The following PTPRM variants were observed in gnomAD, a reference collection of about 807,000 sequenced individuals.
PTPRM encodes the protein protein tyrosine phosphatase receptor type M.
In PTPRM, 47 loss-of-function variants were observed where a neutral mutation model predicts 186.7. The ratio of observed to expected loss-of-function variants is 0.25; its 90% confidence interval spans 0.20 to 0.32. The LOEUF (loss-of-function observed/expected upper bound fraction) is 0.32, where lower values mean the gene tolerates loss of function less well. PTPRM is among the 10% of genes least tolerant of loss of function. The probability of loss-of-function intolerance (pLI) is 1.00; values close to 1 mark genes in which losing one functional copy is unlikely to be tolerated. For synonymous variants in PTPRM, 668 were observed against 674.9 expected (o/e 0.99, Z 0.16); for missense variants, 1,494 against 1,865.0 (o/e 0.80, Z 3.66).
At chr18:8,324,788 T>C (rs2095365674) in intron 22 of PTPRM, among the ~76,000 whole-genome samples, 1 of 152,148 alleles carries the variant, frequency 6.6e-6, no homozygotes, top group Non-Finnish European at 1.5e-5. Context: ...ATGCTCCAAG[T>C]CACAGACCTA....
intron 1 of PTPRM, among the ~76,000 whole-genome samples, chr18:7,700,061 T>C (rs927801957): frequency 1.3e-5 from 2 of 152,232 alleles, no homozygotes; most frequent in African/African-American, 4.8e-5. Flanking sequence ...AGTTTGTATG[T>C]GTCACAAGTT....
At chr18:7,654,036 T>C (rs1007399308) in intron 1 of PTPRM, among the ~76,000 whole-genome samples, 2 of 152,220 alleles carry the variant, frequency 1.3e-5, no homozygotes, top group African/African-American at 4.8e-5. Context: ...GGTATCTCAC[T>C]GTGGTTTTGA....
chr18:7,644,841 C>T (rs192392089), intron 1 of PTPRM, among the ~76,000 whole-genome samples: 12 of 152,160 alleles, frequency 7.9e-5, no homozygotes, highest in Non-Finnish European at 1.2e-4. Flanking sequence ...AGATGATATA[C>T]GCTTATATCA....
At chr18:8,174,999 C>T (rs1468789324) in intron 14 of PTPRM, among the ~76,000 whole-genome samples, 1 of 152,200 alleles carries the variant, frequency 6.6e-6, no homozygotes, top group Admixed American at 6.5e-5. Flanking sequence ...TGCCATGTGT[C>T]TTCTGGCTGA....
intron 14 of PTPRM, among the ~76,000 whole-genome samples, chr18:8,234,470 G>C (rs916571126): frequency 6.6e-6 from 1 of 152,118 alleles, no homozygotes; most frequent in East Asian, 1.9e-4. Context: ...TTAGTACTAG[G>C]AGCTAATTTT....
At chr18:7,779,637 G>A (rs2042760523) in intron 2 of PTPRM, among the ~76,000 whole-genome samples, 1 of 152,106 alleles carries the variant, frequency 6.6e-6, no homozygotes, top group Non-Finnish European at 1.5e-5. Flanking sequence ...CACACTTCAG[G>A]ACTTATTCAG....
intron 1 of PTPRM, among the ~76,000 whole-genome samples, chr18:7,613,745 G>T (rs2037735943): frequency 6.6e-6 from 1 of 152,096 alleles, no homozygotes. Context: ...ATAAACACTT[G>T]GTTGATTCCA....
chr18:7,924,274 C>T (rs1435416584), intron 4 of PTPRM, among the ~76,000 whole-genome samples: 1 of 152,150 alleles, frequency 6.6e-6, no homozygotes, highest in Admixed American at 6.5e-5. Context: ...TCAGCTTGCA[C>T]AGCTTTGGGA....
chr18:8,385,967 G>A (rs1319783105), intron 30 of PTPRM, among the ~76,000 whole-genome samples: 2 of 152,240 alleles, frequency 1.3e-5, no homozygotes, highest in East Asian at 3.9e-4. Flanking sequence ...TGAAGGAAGA[G>A]CCAGCACAAT....
chr18:7,679,113 G>T (rs942365185), intron 1 of PTPRM, among the ~76,000 whole-genome samples: 1 of 152,098 alleles, frequency 6.6e-6, no homozygotes, highest in African/African-American at 2.4e-5. Context: ...TCCTTTGGCT[G>T]TACATTTTTG....
At chr18:8,282,234 T>G (rs993392846) in intron 19 of PTPRM, among the ~76,000 whole-genome samples, 15 of 152,182 alleles carry the variant, frequency 9.9e-5, no homozygotes, top group African/African-American at 3.6e-4. Context: ...TACATCATAT[T>G]AGAGCAGCCA....
At chr18:8,028,290 C>T (rs1026623233) in intron 7 of PTPRM, among the ~76,000 whole-genome samples, 1 of 152,212 alleles carries the variant, frequency 6.6e-6, no homozygotes, top group Non-Finnish European at 1.5e-5. Context: ...GTGTGCACCA[C>T]CGTGCCCAGC....
At chr18:7,769,835 G>A (rs1228622768) in intron 1 of PTPRM, among the ~76,000 whole-genome samples, 1 of 152,056 alleles carries the variant, frequency 6.6e-6, no homozygotes. Flanking sequence ...AGTTGCTAAG[G>A]AAAAGCCTTT....
At chr18:7,708,963 T>C (rs2040154644) in intron 1 of PTPRM, among the ~76,000 whole-genome samples, 1 of 152,186 alleles carries the variant, frequency 6.6e-6, no homozygotes, top group African/African-American at 2.4e-5. Flanking sequence ...TATGGAATTA[T>C]GGTTCAGATG....
At chr18:7,881,734 G>A (rs896313183) in intron 2 of PTPRM, among the ~76,000 whole-genome samples, 2 of 152,148 alleles carry the variant, frequency 1.3e-5, no homozygotes, top group Non-Finnish European at 2.9e-5. Context: ...ACATGCAGAT[G>A]TACGTGGTGA....
chr18:7,570,351 CT>C (rs1326903026), intron 1 of PTPRM, among the ~76,000 whole-genome samples: 1 of 152,136 alleles, frequency 6.6e-6, no homozygotes, highest in Non-Finnish European at 1.5e-5. Flanking sequence ...TAATTGGCTG[CT>C]TTTCACTTGA....
intron 2 of PTPRM, among the ~76,000 whole-genome samples, chr18:7,857,198 G>A (rs1388017492): frequency 6.6e-6 from 1 of 152,152 alleles, no homozygotes; most frequent in East Asian, 1.9e-4. Context: ...TTGACAGATG[G>A]TCACATTCAG....
intron 5 of PTPRM, among the ~76,000 whole-genome samples, chr18:7,942,372 T>G (rs2052235076): frequency 6.6e-6 from 1 of 151,910 alleles, no homozygotes; most frequent in South Asian, 2.1e-4. Context: ...GAAAACTGTG[T>G]TTTTATGGAC....
At chr18:8,321,264 A>G (rs57065859) in intron 22 of PTPRM, among the ~76,000 whole-genome samples, 1,636 of 152,282 alleles carry the variant, frequency 0.011, 22 homozygotes, top group African/African-American at 0.037. Flanking sequence ...CTATGTTTTC[A>G]TAGATAACAA....
Sources: allele counts gnomAD v4.1 joint callset (sites outside exome capture counted in the v4.1 genomes callset), GRCh38; gene constraint gnomAD v4.1.1; transcripts MANE v1.5; gene names NCBI Gene and HGNC (gene_info 2026-07-23, HGNC 2026-07-21).